COL26A1: variants seen among roughly 807,000 people sequenced by gnomAD.
COL26A1 encodes collagen alpha-1(XXVI) chain.
COL26A1 carries 41 observed loss-of-function variants against 59.3 expected under a neutral mutation model. That is an observed-to-expected ratio of 0.69 (90% CI 0.54 to 0.90). COL26A1 has a LOEUF of 0.90. Ranked by LOEUF, COL26A1 falls within the 40% of genes least tolerant of loss-of-function variation. The pLI is 0.00. For missense variants in COL26A1, 612 were observed against 602.3 expected, an observed-to-expected ratio of 1.02 and a Z score of -0.17; for synonymous variants, 266 against 256.0, an observed-to-expected ratio of 1.04 and a Z score of -0.37.
At chr7:101,503,536 C>G (rs1299421041) in intron 3 of COL26A1, among the ~76,000 whole-genome samples, 1 of 152,154 alleles carries the variant, frequency 6.6e-6, no homozygotes, top group Non-Finnish European at 1.5e-5. Context: ...GTGTACATCA[C>G]CACACCTGGC....
intron 3 of COL26A1, among the ~76,000 whole-genome samples, chr7:101,487,970 G>C (rs1794303606): frequency 6.6e-6 from 1 of 151,998 alleles, no homozygotes; most frequent in South Asian, 2.1e-4. Flanking sequence ...TACATTGAAG[G>C]CTTTAAAAAA....
chr7:101,379,977 C>A (rs1791408976), intron 1 of COL26A1, among the ~76,000 whole-genome samples: 1 of 152,160 alleles, frequency 6.6e-6, no homozygotes, highest in African/African-American at 2.4e-5. Flanking sequence ...ATTCTCTATT[C>A]CTTTACTTAC....
chr7:101,432,547 G>A (rs1792806528), intron 2 of COL26A1, among the ~76,000 whole-genome samples: 2 of 152,130 alleles, frequency 1.3e-5, no homozygotes, highest in South Asian at 2.1e-4. Context: ...GGTGGGAGCC[G>A]GCAGCTGTGC....
chr7:101,429,589 C>CTTTTTTTTTTTTT lies in COL26A1; in HGVS notation c.281+9499_281+9511dup, dbSNP rs58432413. ...ATTCTTTTTTTTCCTTTCTTTTTTA[C>CTTTTTTTTTTTTT]TTTTTTTTTTTTTTTTTTTTTGAGA... On this transcript the variant is annotated intron_variant, in intron 2 of 12. Transcript: ENST00000313669. 1.2e-3 allele frequency among the ~76,000 whole-genome samples: 91 copies of CTTTTTTTTTTTTT among 78,660 alleles called. 2 individuals are homozygous for CTTTTTTTTTTTTT. Among genetic ancestry groups the CTTTTTTTTTTTTT allele is most frequent in the African/African-American group, 1.7e-3 (32 of 19,368 alleles). The allele number at this position is 78,660 out of a possible 152,430, so 51.6% of individuals were successfully genotyped here. A position where few individuals can be genotyped will look rare whatever the true frequency, so the allele number is the denominator to read the frequency against.
intron 1 of COL26A1, among the ~76,000 whole-genome samples, chr7:101,375,918 G>A (rs563404549): frequency 4.6e-5 from 7 of 150,712 alleles, no homozygotes; most frequent in Admixed American, 2.7e-4. Context: ...CCCGGGAGGC[G>A]GTGCTTGCAG....
chr7:101,363,215 CGGGGGGT>C, intron 1 of COL26A1, 25 bp downstream of exon 1: 13 of 555,386 alleles, frequency 2.3e-5, no homozygotes, highest in African/African-American at 1.1e-4. Context: ...GCCGAGGGGC[CGGGGGGT>C]GGGGGGAGGG....
chr7:101,373,068 G>A (rs962244488), intron 1 of COL26A1, among the ~76,000 whole-genome samples: 1 of 152,218 alleles, frequency 6.6e-6, no homozygotes, highest in African/African-American at 2.4e-5. Context: ...GCCACCTTGA[G>A]GAGCTTGCCT....
At chr7:101,547,061 G>C (rs145033430) in intron 7 of COL26A1, 95 bp from the exon 8 acceptor site, 2 of 825,058 alleles carry the variant, frequency 2.4e-6, no homozygotes, top group Non-Finnish European at 3.8e-6. Context: ...CCTGGGCTTC[G>C]TGTGGCCTGG....
chr7:101,486,990 G>A (rs1794282530), intron 3 of COL26A1, among the ~76,000 whole-genome samples: 1 of 152,206 alleles, frequency 6.6e-6, no homozygotes, highest in South Asian at 2.1e-4. Flanking sequence ...GGGGAGGAAG[G>A]GAGCCTGGGC....
intron 3 of COL26A1, among the ~76,000 whole-genome samples, chr7:101,531,608 C>T (rs946146286): frequency 2.0e-5 from 3 of 152,108 alleles, no homozygotes; most frequent in Non-Finnish European, 2.9e-5. Context: ...TCTGCTAGGC[C>T]ACATGTCACT....
intron 3 of COL26A1, among the ~76,000 whole-genome samples, chr7:101,487,288 C>T (rs761416354): frequency 4.6e-5 from 7 of 151,914 alleles, no homozygotes; most frequent in African/African-American, 7.3e-5. Context: ...CTAACCAGGC[C>T]GGGACTAAGA....
At position 101,545,347 on chromosome 7, in the gene COL26A1, G is replaced by A; in HGVS notation, c.713G>A (p.Gly238Glu). Reference protein sequence around the residue: ...KGPAGPPGLLGPPGPRGLPGE... With the variant: ...KGPAGPPGLLEPPGPRGLPGE... ...CTTTTCCTCATTGCAGGGCTCCTGG[G>A]GCCTCCAGGGCCCCGTGGGCTTCCT... Residue 238 changes from glycine (G) to glutamate (E), a missense_variant, in exon 7 of 13, where the codon GGG becomes GAG. Gly to Glu is a moderately conservative substitution (Grantham distance 98). Coordinates refer to ENST00000313669, the MANE Select transcript of COL26A1 (RefSeq NM_001278563.3). The A allele has an allele frequency of 6.4e-7, 1 of 1,567,638 alleles. No individual in the cohort carries two copies. The highest frequency in any genetic ancestry group is 1.2e-5 in the South Asian group (1 of 85,750).
chr7:101,449,576 C>T (rs1222206255), intron 3 of COL26A1, among the ~76,000 whole-genome samples: 1 of 152,104 alleles, frequency 6.6e-6, no homozygotes, highest in Non-Finnish European at 1.5e-5. Context: ...TGAGACCAGC[C>T]TGGGCAACAT....
intron 3 of COL26A1, among the ~76,000 whole-genome samples, chr7:101,470,044 A>G (rs1793857005): frequency 6.6e-6 from 1 of 151,966 alleles, no homozygotes; most frequent in African/African-American, 2.4e-5. Context: ...AGCGAAAGCA[A>G]GAGAAGAGCT....
chr7:101,547,652 G>C (rs1283309919), intron 8 of COL26A1, among the ~76,000 whole-genome samples: 7 of 152,220 alleles, frequency 4.6e-5, no homozygotes, highest in Non-Finnish European at 8.8e-5. Context: ...TTCCTCATTG[G>C]GGGAAGAATG....
rs181529979 is a variant in COL26A1 at position 101,444,503 on chromosome 7, C to T, written c.282-3181C>T. Among the ~76,000 whole-genome samples, 8 of 151,548 alleles carry T rather than the reference C, an allele frequency of 5.3e-5. No individual in the cohort carries two copies. In the East Asian group the frequency reaches 1.4e-3, roughly 26 times the overall value. On this transcript the variant is annotated intron_variant, in intron 2 of 12. Coordinates refer to ENST00000313669, the MANE Select transcript of COL26A1 (RefSeq NM_001278563.3). ...TGATCTCCACTCACCGCAACTCCGC[C>T]TCCTGGGTTCAAATGATTCTCCTGC...
intron 3 of COL26A1, among the ~76,000 whole-genome samples, chr7:101,529,796 T>C (rs993273063): frequency 1.3e-5 from 2 of 152,218 alleles, no homozygotes; most frequent in African/African-American, 4.8e-5. Flanking sequence ...ACAGTGTATA[T>C]GCACCTCATT....
intron 3 of COL26A1, among the ~76,000 whole-genome samples, chr7:101,483,066 C>A (rs34682212): frequency 6.6e-6 from 1 of 151,956 alleles, no homozygotes; most frequent in Admixed American, 6.6e-5. Context: ...CAACCTCTTA[C>A]AACTTAACTG....
chr7:101,430,106 C>G (rs1792744443), intron 2 of COL26A1, among the ~76,000 whole-genome samples: 2 of 152,054 alleles, frequency 1.3e-5, no homozygotes. Flanking sequence ...ACTTAGATCT[C>G]TTTTTATTTC....
Sources: gnomAD v4.1 joint callset for allele counts (sites outside exome capture counted in the v4.1 genomes callset) on GRCh38, gnomAD v4.1.1 for gene constraint, MANE v1.5 for transcripts, NCBI Gene and HGNC (gene_info 2026-07-23, HGNC 2026-07-21) for gene names.